Variants in KLB observed in about 807,000 individuals in gnomAD.
KLB encodes the protein klotho beta, also known as beta-klotho.
A neutral mutation model predicts 88.4 loss-of-function variants in KLB; 44 were observed. The ratio of observed to expected loss-of-function variants is 0.50; its 90% confidence interval spans 0.39 to 0.64. KLB has a LOEUF of 0.64. Ranked by LOEUF, KLB falls within the 30% of genes least tolerant of loss-of-function variation. KLB has a pLI of 0.00. For synonymous variants in KLB, 548 were observed against 513.4 expected (o/e 1.07, Z -0.91); for missense variants, 1,137 against 1,304.8 (o/e 0.87, Z 1.98).
Position 39,447,434 on chromosome 4 carries a change from G to A in KLB, c.2708G>A (p.Arg903Gln). The A allele has an allele frequency of 6.2e-7, 1 of 1,608,906 alleles. No homozygotes were observed. Among genetic ancestry groups the A allele is most frequent in the East Asian group, 2.2e-5 (1 of 44,854 alleles). The change falls in exon 4 of 5, where the codon CGG becomes CAG. Residue 903 changes from arginine to glutamine, a missense_variant. Physicochemically the swap from Arg to Gln is conservative, Grantham distance 43. This residue lies in a region of KLB where 426 missense variants were observed against 404.6 expected (regional missense o/e 1.05). Transcript: ENST00000257408. ...DDQALEDDRL[R>Q]KYYLGKYLQE... Reference sequence around the variant, plus strand: ...CAGGCTCTGGAGGATGACCGGCTCCGGAAGTACTACCTAGGGAAGTACCTT... The same window carrying A: ...CAGGCTCTGGAGGATGACCGGCTCCAGAAGTACTACCTAGGGAAGTACCTT...
intron 4 of KLB, 133 bp downstream of exon 4, chr4:39,447,608 T>G: frequency 1.4e-6 from 1 of 725,336 alleles, no homozygotes; most frequent in Admixed American, 3.6e-5. Flanking sequence ...AATTGAATTT[T>G]GTCCTGAAAA....
At chr4:39,423,121 C>T (rs1743125220) in intron 1 of KLB, among the ~76,000 whole-genome samples, 1 of 151,824 alleles carries the variant, frequency 6.6e-6, no homozygotes, top group African/African-American at 2.4e-5. Flanking sequence ...GAAGACAATC[C>T]AGCACAGGGG....
rs1743432263 is a variant in KLB, at chr4:39,434,674, C to A, written c.1290C>A (p.Thr430=). 1.2e-6 allele frequency: 2 copies of A among 1,613,962 alleles called. No homozygotes were observed. Among genetic ancestry groups the A allele is most frequent in the African/African-American group, 2.7e-5 (2 of 75,030 alleles). Residue 430 remains threonine (T), a synonymous_variant, in exon 2 of 5, where the codon ACC becomes ACA. Transcript: ENST00000257408. ...FTDSRVKTED[T]TAIYMMKNFL... ...ACAGTCGTGTGAAAACAGAAGACAC[C>A]ACGGCCATCTACATGATGAAGAATT...
At position 39,437,932 on chromosome 4, in the gene KLB, G is replaced by A. The variant is rs769288658; in HGVS notation, c.1542G>A (p.Thr514=). Residue 514 remains threonine, a synonymous_variant, in exon 3 of 5, where the codon ACG becomes ACA. Coordinates refer to ENST00000257408, the MANE Select transcript of KLB (RefSeq NM_175737.4). The part of the protein sequence containing the change: ...RENGFSLKES[T]PDVQGQFPCD... Reference sequence around the variant, plus strand: ...ATGGTTTTTCTTTAAAAGAGTCCACGCCAGATGTGCAGGGCCAGTTTCCCT... The same window carrying A: ...ATGGTTTTTCTTTAAAAGAGTCCACACCAGATGTGCAGGGCCAGTTTCCCT... The A allele has an allele frequency of 1.2e-6, 2 of 1,614,162 alleles. No homozygotes were observed. Among genetic ancestry groups the A allele is most frequent in the Non-Finnish European group, 1.7e-6 (2 of 1,180,022 alleles).
rs1166639422 is a variant in KLB, at chr4:39,446,996, A to C, written c.2270A>C (p.His757Pro). Residue 757 changes from histidine (H) to proline (P), a missense_variant, in exon 4 of 5, where the codon CAC (histidine) becomes CCC (proline). Coordinates refer to ENST00000257408, the MANE Select transcript of KLB (RefSeq NM_175737.4). This position sits in a 1 kb window ranked among gnomAD's most constrained non-coding sequence, Gnocchi z 6.4. ...CCCGCCAACCCCTATGCTGACTCGC[A>C]CTGGAGGGCGGCCGAGCGCTTCCTG... ...AEPANPYADS[H>P]WRAAERFLQF... 1 of 1,609,702 alleles carries C rather than the reference A, an allele frequency of 6.2e-7. No homozygotes were observed. Among genetic ancestry groups the C allele is most frequent in the African/African-American group, 1.3e-5 (1 of 74,914 alleles).
intron 3 of KLB, among the ~76,000 whole-genome samples, chr4:39,445,988 G>GTTTAGGA (rs1743737060): frequency 6.6e-6 from 1 of 151,990 alleles, no homozygotes; most frequent in Non-Finnish European, 1.5e-5. Flanking sequence ...TTATGGCAGG[G>GTTTAGGA]TTTAGAATCT....
intron 1 of KLB, among the ~76,000 whole-genome samples, chr4:39,430,393 C>T (rs1743318808): frequency 2.6e-5 from 2 of 77,422 alleles, no homozygotes; most frequent in Non-Finnish European, 4.9e-5. Flanking sequence ...TTTATGACTG[C>T]TTTTGTTTCT....
Position 39,448,448 on chromosome 4 carries a change from G to A in KLB, c.2897G>A (p.Gly966Asp). ...QFYNKVISSR[G>D]FPFENSSSRC... is the part of the protein sequence containing the mutation. ...TACAACAAAGTGATCAGCAGCAGGG[G>A]CTTCCCTTTTGAGAACAGTAGTTCT... The change falls in exon 5 of 5, where the codon GGC becomes GAC. Residue 966 changes from glycine to aspartate, a missense_variant. By Grantham distance (94) the Gly-to-Asp change is moderately conservative. Around this residue, in one of 4 missense-constraint regions of KLB, gnomAD observed 426 missense variants for 404.6 expected, o/e 1.05. Transcript: ENST00000257408. 6.2e-7 allele frequency: 1 copy of A among 1,614,096 alleles called. No individual in the cohort carries two copies. Among genetic ancestry groups the A allele is most frequent in the Non-Finnish European group, 8.5e-7 (1 of 1,179,994 alleles).
At chr4:39,423,129 G>A (rs1446143346) in intron 1 of KLB, among the ~76,000 whole-genome samples, 4 of 151,842 alleles carry the variant, frequency 2.6e-5, no homozygotes. Flanking sequence ...TCCAGCACAG[G>A]GGTGGTCCCT....
intron 2 of KLB, among the ~76,000 whole-genome samples, chr4:39,434,997 G>T (rs1743441700): frequency 1.3e-5 from 2 of 151,928 alleles, no homozygotes; most frequent in Non-Finnish European, 2.9e-5. Context: ...AGTAGAGACA[G>T]GGTCTCACCA....
At chr4:39,431,520 G>T (rs1294044735) in intron 1 of KLB, among the ~76,000 whole-genome samples, 1 of 152,112 alleles carries the variant, frequency 6.6e-6, no homozygotes, top group Non-Finnish European at 1.5e-5. Context: ...CAAAGTGCTG[G>T]GATTACAGGC....
At chr4:39,410,144 C>T (rs1005952495) in intron 1 of KLB, among the ~76,000 whole-genome samples, 1 of 152,060 alleles carries the variant, frequency 6.6e-6, no homozygotes, top group African/African-American at 2.4e-5. Context: ...GTTGAAAAGT[C>T]ATTACCTGGA....
chr4:39,431,140 G>A (rs1232432868), intron 1 of KLB, among the ~76,000 whole-genome samples: 11 of 147,540 alleles, frequency 7.5e-5, no homozygotes, highest in African/African-American at 2.3e-4. Context: ...ATGTTGACCA[G>A]GCTGATCTCG....
chr4:39,438,717 T>C (rs1013850530), intron 3 of KLB, among the ~76,000 whole-genome samples: 7 of 152,236 alleles, frequency 4.6e-5, no homozygotes, highest in Admixed American at 4.6e-4. Context: ...GCTGGGCACA[T>C]GGCAGGTGCT....
In KLB at chr4:39,414,778, A is replaced by C. The variant is rs564135528; in HGVS notation, c.825+7004A>C. On this transcript the variant is annotated intron_variant, in intron 1 of 4. Transcript: ENST00000257408. The stretch of plus-strand genomic sequence containing the variant: ...CAGCTACTCGGGAGGCTGAGGCAGG[A>C]GAATTGCTTGAACCCGGGAGGCGGA... Among the ~76,000 whole-genome samples the C allele has an allele frequency of 7.5e-5, 11 of 147,280 alleles. 2 individuals carry two copies. In the South Asian group the frequency reaches 2.5e-3, roughly 34 times the overall value.
chr4:39,451,214 C>T lies in KLB; in HGVS notation c.*2528C>T, dbSNP rs1404946620. 1 of 152,198 alleles carries T rather than the reference C, an allele frequency of 6.6e-6. No individual in the cohort carries two copies. The highest frequency in any genetic ancestry group is 1.5e-5 in the Non-Finnish European group (1 of 68,036). The allele number at this position is 152,198 out of a possible 1,614,324, so 9.4% of individuals were successfully genotyped here. On this transcript the variant is annotated 3_prime_UTR_variant, in exon 5 of 5. Transcript: ENST00000257408. ...AATATGTACAGCAAATTAGGTTAAGCATTTAATCTGGCTCATGCTCTATCA... is the reference window on the plus strand; with the variant it reads ...AATATGTACAGCAAATTAGGTTAAGTATTTAATCTGGCTCATGCTCTATCA...
chr4:39,413,124 G>A (rs1742890369), intron 1 of KLB, among the ~76,000 whole-genome samples: 1 of 152,108 alleles, frequency 6.6e-6, no homozygotes, highest in Non-Finnish European at 1.5e-5. Context: ...TCTTCCTCGG[G>A]TTGTGTCATC....
Position 39,412,897 on chromosome 4 carries a change from A to G in KLB, c.825+5123A>G, listed in dbSNP as rs142285970. On this transcript the variant is annotated intron_variant, in intron 1 of 4. Transcript: ENST00000257408. ...TAATCAAAAACTAATCTCAAGTTCA[A>G]TCTTCATATTTCATTGCATTATTGC... Among the ~76,000 whole-genome samples, 419 of 152,354 alleles carry G rather than the reference A, an allele frequency of 2.8e-3. 2 individuals carry two copies. Among genetic ancestry groups the G allele is most frequent in the South Asian group, 0.017 (83 of 4,824 alleles).
intron 3 of KLB, among the ~76,000 whole-genome samples, chr4:39,441,144 C>A (rs1454876747): frequency 1.3e-5 from 2 of 152,186 alleles, no homozygotes; most frequent in Non-Finnish European, 2.9e-5. Flanking sequence ...GTGTGAGGCA[C>A]TGCACCCAGC....
Sources: allele counts gnomAD v4.1 joint callset (sites outside exome capture counted in the v4.1 genomes callset), GRCh38; gene constraint gnomAD v4.1.1; regional missense constraint gnomAD v4.1.1; non-coding constraint Gnocchi (gnomAD v3.1); transcripts MANE v1.5; gene names NCBI Gene and HGNC (gene_info 2026-07-23, HGNC 2026-07-21).